The following C7orf78 variants were observed in gnomAD, a reference collection of about 807,000 sequenced individuals.
C7orf78 encodes the protein putative uncharacterized protein C7orf78.
the C7orf78 span, among the ~76,000 whole-genome samples, chr7:12,499,726 G>T: frequency 6.6e-6 from 1 of 151,536 alleles, no homozygotes; most frequent in East Asian, 1.9e-4. Context: ...TGCACCAAGT[G>T]GACCTAATAG....
the C7orf78 span, among the ~76,000 whole-genome samples, chr7:12,515,358 G>A: frequency 2.0e-5 from 3 of 152,184 alleles, no homozygotes; most frequent in Non-Finnish European, 4.4e-5. Flanking sequence ...TGTAAAAAGT[G>A]CCTTTCACCT....
the C7orf78 span, among the ~76,000 whole-genome samples, chr7:12,511,822 G>A: frequency 6.6e-6 from 1 of 151,358 alleles, no homozygotes; most frequent in Non-Finnish European, 1.5e-5. Flanking sequence ...CACGATCTCA[G>A]CTCACTGCAA....
the C7orf78 span, among the ~76,000 whole-genome samples, chr7:12,528,663 G>A: frequency 2.0e-5 from 3 of 152,338 alleles, no homozygotes; most frequent in African/African-American, 7.2e-5. Flanking sequence ...AGACACTTTA[G>A]AACGATGGGT....
chr7:12,490,660 A>G, the C7orf78 span, among the ~76,000 whole-genome samples: 3 of 152,090 alleles, frequency 2.0e-5, no homozygotes, highest in East Asian at 5.8e-4. Context: ...TATTTGTGGC[A>G]GTAATAGGAA....
At chr7:12,534,687 G>A in the C7orf78 span, among the ~76,000 whole-genome samples, 2 of 152,124 alleles carry the variant, frequency 1.3e-5, no homozygotes, top group African/African-American at 4.8e-5. Context: ...GGGCATAATG[G>A]TTCATTCCTA....
the C7orf78 span, among the ~76,000 whole-genome samples, chr7:12,522,054 T>A: frequency 6.6e-6 from 1 of 152,080 alleles, no homozygotes; most frequent in African/African-American, 2.4e-5. Flanking sequence ...AAGAGTAGTT[T>A]CCTTTCATTC....
At chr7:12,532,495 G>C in the C7orf78 span, among the ~76,000 whole-genome samples, 1 of 150,682 alleles carries the variant, frequency 6.6e-6, no homozygotes, top group East Asian at 2.0e-4. Context: ...GTTGCAGTGA[G>C]CCAACATTGT....
the C7orf78 span, among the ~76,000 whole-genome samples, chr7:12,500,810 A>C: frequency 6.1e-5 from 9 of 147,760 alleles, no homozygotes; most frequent in Non-Finnish European, 1.0e-4. Flanking sequence ...GCCTTGATGA[A>C]CATTGATGCA....
chr7:12,527,277 T>C, the C7orf78 span, among the ~76,000 whole-genome samples: 1 of 115,400 alleles, frequency 8.7e-6, no homozygotes, highest in African/African-American at 3.9e-5. Flanking sequence ...ATATGCTATG[T>C]GTCACTCACT....
the C7orf78 span, among the ~76,000 whole-genome samples, chr7:12,518,920 C>A: frequency 1.3e-5 from 2 of 152,038 alleles, no homozygotes; most frequent in Non-Finnish European, 2.9e-5. Flanking sequence ...CTGGCAGCAG[C>A]AGTGACTGCA....
chr7:12,493,983 C>A, the C7orf78 span, among the ~76,000 whole-genome samples: 2 of 152,126 alleles, frequency 1.3e-5, no homozygotes, highest in Non-Finnish European at 2.9e-5. Context: ...GAGGTGCAGT[C>A]TACTTCAGTT....
At chr7:12,506,759 G>T in the C7orf78 span, 1 of 314,704 alleles carries the variant, frequency 3.2e-6, no homozygotes, top group South Asian at 2.6e-5. Flanking sequence ...CCTGCACATT[G>T]TGCACATGTA....
chr7:12,523,285 T>G, the C7orf78 span: 5 of 398,324 alleles, frequency 1.3e-5, no homozygotes, highest in Middle Eastern at 1.2e-3. Context: ...GCATAAGGAA[T>G]CATCCTAAGG....
the C7orf78 span, among the ~76,000 whole-genome samples, chr7:12,509,178 A>G: frequency 3.9e-5 from 6 of 152,214 alleles, no homozygotes; most frequent in African/African-American, 1.4e-4. Flanking sequence ...GTCATTTAAT[A>G]CTTTTCAATA....
the C7orf78 span, chr7:12,522,992 C>G: frequency 2.5e-6 from 1 of 398,100 alleles, no homozygotes; most frequent in East Asian, 3.6e-5. Flanking sequence ...TGAAAATGCC[C>G]CCCACATAAT....
At chr7:12,537,176 A>T in the C7orf78 span, among the ~76,000 whole-genome samples, 2 of 152,244 alleles carry the variant, frequency 1.3e-5, no homozygotes, top group Admixed American at 6.5e-5. Flanking sequence ...TTTACAAAAG[A>T]AACAGATTTA....
At chr7:12,514,609 T>C in the C7orf78 span, among the ~76,000 whole-genome samples, 7,369 of 152,148 alleles carry the variant, frequency 0.048, 646 homozygotes, top group African/African-American at 0.17. Flanking sequence ...GTTTTATATA[T>C]TCTTTACTTG....
the C7orf78 span, among the ~76,000 whole-genome samples, chr7:12,500,475 T>C: frequency 0.019 from 2,787 of 148,858 alleles, 89 homozygotes; most frequent in African/African-American, 0.065. Flanking sequence ...AACTAGAAAA[T>C]CTAGAAGAAA....
the C7orf78 span, among the ~76,000 whole-genome samples, chr7:12,486,138 G>T: frequency 1.3e-5 from 2 of 152,026 alleles, no homozygotes; most frequent in Non-Finnish European, 2.9e-5. Flanking sequence ...GCCTATACAA[G>T]TTCAGCCACT....
Sources: gnomAD v4.1 joint callset for allele counts (sites outside exome capture counted in the v4.1 genomes callset) on GRCh38, gnomAD v4.1.1 for gene constraint, MANE v1.5 for transcripts, NCBI Gene and HGNC (gene_info 2026-07-23, HGNC 2026-07-21) for gene names.